MYO16: variants seen among roughly 807,000 people sequenced by gnomAD.
MYO16 encodes the protein unconventional myosin-XVI.
A neutral mutation model predicts 205.3 loss-of-function variants in MYO16; 94 were observed. That is an observed-to-expected ratio of 0.46 (90% CI 0.39 to 0.54). The LOEUF is 0.54. Among genes scored for constraint, MYO16 ranks in the 20% least tolerant of loss-of-function variants. MYO16 has a pLI of 0.00. For synonymous variants in MYO16, 988 were observed against 954.0 expected (o/e 1.04, Z -0.66); for missense variants, 2,315 against 2,387.5 (o/e 0.97, Z 0.63).
intron 32 of MYO16, among the ~76,000 whole-genome samples, chr13:109,142,866 T>C (rs758667348): frequency 6.6e-6 from 1 of 152,048 alleles, no homozygotes; most frequent in Non-Finnish European, 1.5e-5. Flanking sequence ...CACTGTGGAG[T>C]GTACTTTTGT....
intron 12 of MYO16, among the ~76,000 whole-genome samples, chr13:108,880,557 A>T (rs1322925278): frequency 2.0e-5 from 3 of 152,170 alleles, no homozygotes. Context: ...TAAGGAAGGG[A>T]TCCAGTTTCA....
intron 4 of MYO16, among the ~76,000 whole-genome samples, chr13:108,740,034 C>T (rs1038698493): frequency 1.3e-5 from 2 of 152,078 alleles, no homozygotes; most frequent in African/African-American, 4.8e-5. Flanking sequence ...GTTAGCCATT[C>T]GTCTAATCTT....
chr13:108,894,163 G>A (rs1016493532), intron 14 of MYO16, among the ~76,000 whole-genome samples: 3 of 152,098 alleles, frequency 2.0e-5, no homozygotes, highest in Admixed American at 2.0e-4. Context: ...TCATGCGAAT[G>A]CCTTCACGAT....
the MYO16 span, among the ~76,000 whole-genome samples, chr13:108,574,844 A>G: frequency 6.6e-6 from 1 of 152,210 alleles, no homozygotes; most frequent in East Asian, 1.9e-4. Flanking sequence ...TAGGAAAAAA[A>G]GGAAAACTAG....
At chr13:109,059,892 G>T (rs984909138) in intron 27 of MYO16, among the ~76,000 whole-genome samples, 1 of 152,114 alleles carries the variant, frequency 6.6e-6, no homozygotes, top group African/African-American at 2.4e-5. Context: ...TATGGGTTTG[G>T]CTTTTATGTT....
the MYO16 span, among the ~76,000 whole-genome samples, chr13:108,506,061 C>A: frequency 1.3e-5 from 2 of 152,082 alleles, no homozygotes; most frequent in African/African-American, 4.8e-5. Flanking sequence ...TTGACTACTG[C>A]AGCTTTTAAC....
chr13:108,844,898 G>A (rs1594338408), intron 10 of MYO16, among the ~76,000 whole-genome samples: 1 of 152,054 alleles, frequency 6.6e-6, no homozygotes, highest in Admixed American at 6.6e-5. Flanking sequence ...AGTAACTGTG[G>A]TCATGCATTG....
At chr13:108,820,256 G>T in intron 7 of MYO16, 81 bp from the exon 8 acceptor site, 2 of 1,029,338 alleles carry the variant, frequency 1.9e-6, no homozygotes, top group Non-Finnish European at 2.9e-6. Flanking sequence ...GCTGTTAGTT[G>T]GACAGCACAG....
chr13:108,620,725 C>G (rs1879509417), intron 1 of MYO16, among the ~76,000 whole-genome samples: 1 of 152,228 alleles, frequency 6.6e-6, no homozygotes, highest in African/African-American at 2.4e-5. Context: ...CCACTTGTCA[C>G]TGCCTCTGCT....
chr13:109,072,034 T>A (rs1747527486), intron 27 of MYO16, among the ~76,000 whole-genome samples: 3 of 152,188 alleles, frequency 2.0e-5, no homozygotes, highest in Admixed American at 2.0e-4. Context: ...AGCATACACA[T>A]TCTGATAACA....
intron 2 of MYO16, among the ~76,000 whole-genome samples, chr13:108,670,827 T>G (rs776240219): frequency 6.6e-6 from 1 of 152,214 alleles, no homozygotes; most frequent in Non-Finnish European, 1.5e-5. Context: ...TATATATGGA[T>G]GCCATTTTGG....
At chr13:109,029,597 TCC>T (rs893606430) in intron 23 of MYO16, among the ~76,000 whole-genome samples, 3 of 152,254 alleles carry the variant, frequency 2.0e-5, no homozygotes, top group African/African-American at 7.2e-5. Flanking sequence ...CCAGGCAGAA[TCC>T]CCAGACATAA....
At chr13:109,075,613 A>T (rs765139466) in intron 27 of MYO16, among the ~76,000 whole-genome samples, 41 of 151,950 alleles carry the variant, frequency 2.7e-4, no homozygotes, top group Admixed American at 3.3e-4. Context: ...TGACCTCGTG[A>T]TCTGCCTGCC....
chr13:108,961,066 C>T (rs1017048678), intron 17 of MYO16, among the ~76,000 whole-genome samples: 1 of 152,066 alleles, frequency 6.6e-6, no homozygotes, highest in African/African-American at 2.4e-5. Flanking sequence ...TAATTTATCT[C>T]ATAAGAGAGA....
At chr13:108,635,178 TTTCAGTGAGGAGTAGCAC>T (rs1376311810) in intron 1 of MYO16, among the ~76,000 whole-genome samples, 1 of 152,218 alleles carries the variant, frequency 6.6e-6, no homozygotes, top group Admixed American at 6.5e-5. Flanking sequence ...GCTAGATTTC[TTTCAGTGAGGAGTAGCAC>T]TTCAGATTAC....
intron 12 of MYO16, among the ~76,000 whole-genome samples, chr13:108,882,077 A>C (rs1026286234): frequency 6.6e-6 from 1 of 152,230 alleles, no homozygotes; most frequent in Non-Finnish European, 1.5e-5. Context: ...AGAGAAGCCC[A>C]TCAGACTAAT....
the MYO16 span, among the ~76,000 whole-genome samples, chr13:108,535,664 T>C: frequency 6.6e-6 from 1 of 152,184 alleles, no homozygotes. Flanking sequence ...AGAATGGAAT[T>C]TACTCTATGG....
chr13:108,927,289 T>G (rs972045588), intron 16 of MYO16, among the ~76,000 whole-genome samples: 3 of 152,230 alleles, frequency 2.0e-5, no homozygotes, highest in African/African-American at 7.2e-5. Context: ...TTCTCCTATT[T>G]GCCTTCCTCC....
At chr13:109,147,356 T>A (rs561107650) in intron 32 of MYO16, among the ~76,000 whole-genome samples, 10 of 152,264 alleles carry the variant, frequency 6.6e-5, no homozygotes, top group Admixed American at 3.3e-4. Context: ...TTACAATGAC[T>A]CAAATGCCCC....
Sources: allele counts gnomAD v4.1 joint callset (sites outside exome capture counted in the v4.1 genomes callset), GRCh38; gene constraint gnomAD v4.1.1; transcripts MANE v1.5; gene names NCBI Gene and HGNC (gene_info 2026-07-23, HGNC 2026-07-21).